ATAD3C: variants seen among roughly 807,000 people sequenced by gnomAD.
The protein encoded by ATAD3C is ATPase family AAA domain-containing protein 3C.
In ATAD3C, 38 loss-of-function variants were observed where a neutral mutation model predicts 46.3. The ratio of observed to expected loss-of-function variants is 0.82; its 90% CI spans 0.63 to 1.08. The LOEUF is 1.08. ATAD3C is among the 50% of genes least tolerant of loss of function. The probability of loss-of-function intolerance (pLI) is 0.00; values close to 1 mark genes in which losing one functional copy is unlikely to be tolerated. For synonymous variants in ATAD3C, 220 were observed against 236.4 expected (o/e 0.93, Z 0.63); for missense variants, 563 against 572.7 (o/e 0.98, Z 0.17).
rs1639017989 is a variant in ATAD3C at position 1,459,256 on chromosome 1, G to A, written c.812+25G>A. Reference sequence around the variant, plus strand: ...AGTGAGGGAGCCCCTCGGGTCCTGGGCCCCCGGGCAGGGCTGTGCAGCCGT... The same window carrying A: ...AGTGAGGGAGCCCCTCGGGTCCTGGACCCCCGGGCAGGGCTGTGCAGCCGT... On this transcript the variant is annotated intron_variant, in intron 9 of 11. Coordinates refer to ENST00000378785, the MANE Select transcript of ATAD3C (RefSeq NM_001039211.3). This position sits in a 1 kb window ranked among gnomAD's most constrained non-coding sequence, Gnocchi z 4.9. 6.2e-7 allele frequency: 1 copy of A among 1,610,692 alleles called. No individual in the cohort carries two copies. Among genetic ancestry groups the A allele is most frequent in the African/African-American group, 1.4e-5 (1 of 73,990 alleles).
chr1:1,453,855 G>A lies in ATAD3C; in HGVS notation c.223-490G>A, dbSNP rs1638904586. ...GGGGTTTCTCCATGTGGGTTAGGCTGGTCTTCAACTCTCGACCTCAGGTGA... is the reference window on the plus strand; with the variant it reads ...GGGGTTTCTCCATGTGGGTTAGGCTAGTCTTCAACTCTCGACCTCAGGTGA... On this transcript the variant is annotated intron_variant, in intron 3 of 11. Transcript: ENST00000378785. Among the ~76,000 whole-genome samples, 2 of 151,558 alleles carry A rather than the reference G, an allele frequency of 1.3e-5. 1 individual carries two copies. Among genetic ancestry groups the A allele is most frequent in the Non-Finnish European group, 2.9e-5 (2 of 67,880 alleles).
intron 8 of ATAD3C, among the ~76,000 whole-genome samples, 187 bp downstream of exon 8, chr1:1,457,367 A>G (rs1159233742): frequency 1.3e-5 from 2 of 151,696 alleles, no homozygotes; most frequent in African/African-American, 4.8e-5. Flanking sequence ...GGCCGAGGCA[A>G]GTGGATCACG....
intron 11 of ATAD3C, among the ~76,000 whole-genome samples, chr1:1,467,257 G>A (rs1315430638): frequency 1.3e-5 from 2 of 152,072 alleles, no homozygotes; most frequent in African/African-American, 4.8e-5. Context: ...TGGGCCCTGG[G>A]TGAGGTGCAG....
In ATAD3C at chr1:1,452,091, A is replaced by G. The variant is rs1251877698; in HGVS notation, c.121A>G (p.Lys41Glu). The G allele has an allele frequency of 6.2e-7, 1 of 1,613,680 alleles. No individual in the cohort carries two copies. The highest frequency in any genetic ancestry group is 2.2e-5 in the East Asian group (1 of 44,886). The stretch of plus-strand genomic sequence containing the variant: ...ACGGAAGCAGGAGGAGTCCGTGCAG[A>G]AGCACCATCAGACCTTCTTGGAGTC... ...DLRKQEESVQ[K>E]HHQTFLESIR... The change falls in exon 2 of 12, where the codon AAG becomes GAG. Residue 41 changes from lysine to glutamate, a missense_variant. Coordinates refer to ENST00000378785, the MANE Select transcript of ATAD3C (RefSeq NM_001039211.3).
At chr1:1,454,313 G>A in intron 3 of ATAD3C, 32 bp from the exon 4 acceptor site, 6 of 1,581,826 alleles carry the variant, frequency 3.8e-6, no homozygotes, top group Non-Finnish European at 4.3e-6. Context: ...GACGGTGGGG[G>A]CCGGTGCGCC....
At position 1,468,669 on chromosome 1, in the gene ATAD3C, G is replaced by A. The variant is rs573039738; in HGVS notation, c.*139G>A. 8.5e-6 allele frequency: 13 copies of A among 1,527,212 alleles called. No homozygotes were observed. The highest frequency in any genetic ancestry group is 7.0e-5 in the East Asian group (3 of 42,970). 94.6% of individuals were successfully genotyped at this position (1,527,212 alleles called of 1,614,324 possible). A position where few individuals can be genotyped will look rare whatever the true frequency, so the allele number is the denominator to read the frequency against. On this transcript the variant is annotated 3_prime_UTR_variant, in exon 12 of 12. Coordinates refer to ENST00000378785, the MANE Select transcript of ATAD3C (RefSeq NM_001039211.3). ...CACCGCTGTGTCTATTGGCTGACACGGGGCGGGGTTTGGGGCCCCCTAACG... is the reference window on the plus strand; with the variant it reads ...CACCGCTGTGTCTATTGGCTGACACAGGGCGGGGTTTGGGGCCCCCTAACG...
chr1:1,452,241 G>C, intron 2 of ATAD3C, 119 bp downstream of exon 2: 3 of 1,579,826 alleles, frequency 1.9e-6, no homozygotes, highest in Non-Finnish European at 2.6e-6. Context: ...CTCCTTGGTG[G>C]GGACACTGCC....
At chr1:1,465,312 C>T (rs1448991710) in intron 11 of ATAD3C, among the ~76,000 whole-genome samples, 2 of 151,576 alleles carry the variant, frequency 1.3e-5, no homozygotes, top group Admixed American at 1.3e-4. Flanking sequence ...TCATTGTGGG[C>T]CAGGCGCGGT....
intron 11 of ATAD3C, among the ~76,000 whole-genome samples, chr1:1,465,448 G>C (rs560855406): frequency 4.6e-5 from 7 of 151,092 alleles, no homozygotes; most frequent in Admixed American, 1.3e-4. Flanking sequence ...AAAATTAGCC[G>C]GGCGTGGCGG....
At chr1:1,457,635 T>A (rs1570150481) in intron 8 of ATAD3C, among the ~76,000 whole-genome samples, 1 of 150,704 alleles carries the variant, frequency 6.6e-6, no homozygotes, top group East Asian at 1.9e-4. Flanking sequence ...AGCATTTTTT[T>A]AGGTCAGCTT....
In ATAD3C at chr1:1,469,541, CCT is replaced by C. The variant is rs1639207687; in HGVS notation, c.*1016_*1017del. On this transcript the variant is annotated 3_prime_UTR_variant, in exon 12 of 12. Coordinates refer to ENST00000378785, the MANE Select transcript of ATAD3C (RefSeq NM_001039211.3). ...GCTGGGGAACTCATTTGGTTTTTCTCCTCTCTTATTTTTTTGGGTAGAGACAG... is the reference window on the plus strand; with the variant it reads ...GCTGGGGAACTCATTTGGTTTTTCTCCTCTTATTTTTTTGGGTAGAGACAG... 1 of 151,762 alleles carries C rather than the reference CCT, an allele frequency of 6.6e-6. No individual in the cohort carries two copies. The highest frequency in any genetic ancestry group is 1.5e-5 in the Non-Finnish European group (1 of 67,924). The allele number at this position is 151,762 out of a possible 1,614,324, so 9.4% of individuals were successfully genotyped here. A position where few individuals can be genotyped will look rare whatever the true frequency, so the allele number is the denominator to read the frequency against.
rs550588216 is a variant in ATAD3C at position 1,468,864 on chromosome 1, C to T, written c.*334C>T. 1.4e-4 allele frequency: 44 copies of T among 316,576 alleles called. 2 individuals carry two copies. The highest frequency in any genetic ancestry group is 1.4e-3 in the South Asian group (43 of 31,308). The allele number at this position is 316,576 out of a possible 1,614,324, so 19.6% of individuals were successfully genotyped here. A position where few individuals can be genotyped will look rare whatever the true frequency, so the allele number is the denominator to read the frequency against. ...TGCCCCTTCGCCTCCCTCCCCTCCG[C>T]CAGAGCTGCCTGTGGCCAGACACAC... On this transcript the variant is annotated 3_prime_UTR_variant, in exon 12 of 12. Transcript: ENST00000378785.
chr1:1,458,172 G>C (rs1309581985), intron 8 of ATAD3C, among the ~76,000 whole-genome samples: 1 of 151,506 alleles, frequency 6.6e-6, no homozygotes, highest in East Asian at 1.9e-4. Flanking sequence ...GTAGAGATGG[G>C]GTTTCACCAT....
intron 5 of ATAD3C, 130 bp downstream of exon 5, chr1:1,455,649 C>A: frequency 6.4e-7 from 1 of 1,561,228 alleles, no homozygotes; most frequent in Non-Finnish European, 8.7e-7. Flanking sequence ...CTGCTTGGAC[C>A]GTGCCGGGGA....
At chr1:1,455,740 G>A in intron 5 of ATAD3C, 51 bp from the exon 6 acceptor site, 1 of 1,608,674 alleles carries the variant, frequency 6.2e-7, no homozygotes. Context: ...CTGCCCCCGA[G>A]GCTTCTGTGG....
chr1:1,454,601 C>T (rs1638921405), intron 4 of ATAD3C, 101 bp downstream of exon 4: 7 of 1,471,826 alleles, frequency 4.8e-6, no homozygotes, highest in South Asian at 1.4e-5. Flanking sequence ...CCTTCCCTTT[C>T]CCCGGATAAC....
At chr1:1,453,643 A>AT (rs70949591) in intron 3 of ATAD3C, among the ~76,000 whole-genome samples, 17,930 of 142,708 alleles carry the variant, frequency 0.13, 1,453 homozygotes, top group Non-Finnish European at 0.17. Context: ...GGCATAAACC[A>AT]TTTTTTTTTT....
At position 1,454,498 on chromosome 1, in the gene ATAD3C, C is replaced by T; in HGVS notation, c.376C>T (p.Gln126Ter). 2 of 1,607,518 alleles carry T rather than the reference C, an allele frequency of 1.2e-6. No homozygotes were observed. Residue 126 changes from glutamine to a stop codon, truncating the protein, a stop_gained and splice_region_variant, in exon 4 of 12, where the codon CAG (glutamine) becomes TAG (stop). Coordinates refer to ENST00000378785, the MANE Select transcript of ATAD3C (RefSeq NM_001039211.3). LOFTEE classifies it high-confidence loss of function. ...TVLEALRHPI[Q>*]QVSRRLLSRP... ...GCTTGAGGCGCTGCGGCACCCCATC[C>T]AGGTAGCGGCGCAGGCCTGGCCCTC...
intron 11 of ATAD3C, among the ~76,000 whole-genome samples, chr1:1,464,749 C>T (rs574014434): frequency 6.6e-6 from 1 of 152,008 alleles, no homozygotes; most frequent in South Asian, 2.1e-4. Context: ...CCAGTCTGGG[C>T]TATTCAGGAT....
Sources: allele counts gnomAD v4.1 joint callset (sites outside exome capture counted in the v4.1 genomes callset), GRCh38; gene constraint gnomAD v4.1.1; non-coding constraint Gnocchi (gnomAD v3.1); transcripts MANE v1.5; gene names NCBI Gene and HGNC (gene_info 2026-07-23, HGNC 2026-07-21).